SBF2: variants seen among roughly 807,000 people sequenced by gnomAD.
The protein encoded by SBF2 is SET binding factor 2.
Under a neutral mutation model 225.2 loss-of-function variants are expected in SBF2, and 112 were observed. The ratio of observed to expected loss-of-function variants is 0.50; its 90% CI spans 0.43 to 0.58. The LOEUF is 0.58. Ranked by LOEUF, SBF2 falls within the 20% of genes least tolerant of loss-of-function variation. The pLI, the probability that SBF2 is intolerant of heterozygous loss-of-function variation, is 0.00. For missense variants in SBF2, 1,996 were observed against 2,206.2 expected (o/e 0.90, Z 1.91); for synonymous variants, 763 against 773.3 (o/e 0.99, Z 0.22).
chr11:10,002,496 T>C (rs2134513674), intron 7 of SBF2, 61 bp downstream of exon 7: 1 of 1,349,972 alleles, frequency 7.4e-7, no homozygotes, highest in South Asian at 1.2e-5. Flanking sequence ...ACATTATGAC[T>C]TATCAACGAT....
intron 1 of SBF2, among the ~76,000 whole-genome samples, chr11:10,266,339 G>A (rs1006680354): frequency 6.6e-6 from 1 of 152,076 alleles, no homozygotes; most frequent in South Asian, 2.1e-4. Flanking sequence ...AAGACCTCTC[G>A]GCCAAGGACA....
intron 2 of SBF2, among the ~76,000 whole-genome samples, chr11:10,180,185 T>C (rs1489973390): frequency 1.3e-5 from 2 of 152,160 alleles, no homozygotes; most frequent in African/African-American, 4.8e-5. Flanking sequence ...TTTTGTACCT[T>C]CAGATGATGT....
intron 9 of SBF2, among the ~76,000 whole-genome samples, chr11:9,995,574 C>T (rs1947654937): frequency 6.6e-6 from 1 of 152,020 alleles, no homozygotes; most frequent in African/African-American, 2.4e-5. Context: ...TCAATGCTCC[C>T]AATCATCCAT....
intron 1 of SBF2, among the ~76,000 whole-genome samples, chr11:10,255,636 A>C (rs554471270): frequency 6.6e-6 from 1 of 152,292 alleles, no homozygotes; most frequent in East Asian, 1.9e-4. Flanking sequence ...ACTTAGATTG[A>C]CCATAATAGT....
intron 2 of SBF2, among the ~76,000 whole-genome samples, chr11:10,118,488 C>T (rs1364638453): frequency 6.6e-6 from 1 of 150,794 alleles, no homozygotes; most frequent in Non-Finnish European, 1.5e-5. Flanking sequence ...TTAATTCTGG[C>T]TTAGTATCAA....
At chr11:10,210,996 A>G (rs1269916420) in intron 1 of SBF2, among the ~76,000 whole-genome samples, 1 of 114,172 alleles carries the variant, frequency 8.8e-6, no homozygotes, top group African/African-American at 3.4e-5. Context: ...CTGGGCGACA[A>G]GAGCAAGACT....
intron 16 of SBF2, among the ~76,000 whole-genome samples, chr11:9,935,451 A>AG (rs1864824773): frequency 6.6e-6 from 1 of 152,202 alleles, no homozygotes; most frequent in Admixed American, 6.5e-5. Flanking sequence ...TTTGAAAAAA[A>AG]CTACTTTAAA....
chr11:10,236,213 A>G (rs577675855), intron 1 of SBF2, among the ~76,000 whole-genome samples: 1 of 152,338 alleles, frequency 6.6e-6, no homozygotes, highest in South Asian at 2.1e-4. Flanking sequence ...TCAAATTGGG[A>G]GGCCCAAGCA....
intron 2 of SBF2, among the ~76,000 whole-genome samples, chr11:10,184,371 T>C (rs1956851923): frequency 6.6e-6 from 1 of 152,228 alleles, no homozygotes; most frequent in East Asian, 1.9e-4. Flanking sequence ...AGATAGTTTT[T>C]GGCTACTTGC....
At chr11:10,119,082 AAC>A (rs200811807) in intron 2 of SBF2, among the ~76,000 whole-genome samples, 2,082 of 152,228 alleles carry the variant, frequency 0.014, 30 homozygotes, top group Non-Finnish European at 0.021. Context: ...GTTTGAAAAA[AAC>A]AGTTTTATAG....
chr11:9,847,081 C>T lies in SBF2; in HGVS notation c.2809G>A (p.Gly937Ser), dbSNP rs757496509. 1.2e-6 allele frequency: 2 copies of T among 1,613,634 alleles called. No individual in the cohort carries two copies. The highest frequency in any genetic ancestry group is 1.7e-6 in the Non-Finnish European group (2 of 1,179,660). The stretch of plus-strand genomic sequence containing the variant: ...AAGCTCCGCACAACTGTCTGCTCAC[C>T]CACTGTAAATAGACAGGACACAGCT... ...FRGTPHDQLV[G>S]EQTVVRSFPI... Residue 937 changes from glycine to serine, a missense_variant and splice_region_variant, in exon 23 of 40, where the codon GGT becomes AGT. Gly to Ser is a moderately conservative substitution (Grantham distance 56). Coordinates refer to ENST00000256190, the MANE Select transcript of SBF2 (RefSeq NM_030962.4).
At chr11:10,229,021 A>T (rs1466461592) in intron 1 of SBF2, among the ~76,000 whole-genome samples, 2 of 152,020 alleles carry the variant, frequency 1.3e-5, no homozygotes, top group Non-Finnish European at 2.9e-5. Context: ...CTATTCAGAG[A>T]TTCAACTTCT....
At chr11:9,948,331 G>A (rs1452800739) in intron 16 of SBF2, among the ~76,000 whole-genome samples, 1 of 151,976 alleles carries the variant, frequency 6.6e-6, no homozygotes, top group African/African-American at 2.4e-5. Context: ...AAGTTATGGA[G>A]ATGTATGGTG....
intron 19 of SBF2, among the ~76,000 whole-genome samples, chr11:9,856,177 T>C (rs1857299943): frequency 6.6e-6 from 1 of 152,152 alleles, no homozygotes; most frequent in African/African-American, 2.4e-5. Context: ...TTTCTGTAAA[T>C]TGCTTTGGCA....
chr11:10,028,647 C>A (rs1949136104), intron 5 of SBF2, 90 bp from the exon 6 acceptor site: 25 of 833,028 alleles, frequency 3.0e-5, no homozygotes, highest in East Asian at 5.0e-5. Flanking sequence ...ATTTTTAGAG[C>A]AAACGACCAT....
chr11:10,205,953 C>T, intron 1 of SBF2, among the ~76,000 whole-genome samples: 1 of 151,932 alleles, frequency 6.6e-6, no homozygotes, highest in Non-Finnish European at 1.5e-5. Context: ...AATCCAGAAA[C>T]ACTGGGGTAG....
intron 3 of SBF2, 142 bp downstream of exon 3, chr11:10,042,702 C>A (rs1949697530): frequency 2.7e-6 from 2 of 749,528 alleles, no homozygotes; most frequent in Admixed American, 2.4e-5. Context: ...TCCTCTCCAA[C>A]CTTAAACATA....
intron 6 of SBF2, among the ~76,000 whole-genome samples, chr11:10,022,008 G>GTAAAA (rs1948876789): frequency 6.6e-6 from 1 of 152,098 alleles, no homozygotes; most frequent in Admixed American, 6.6e-5. Context: ...AAATACTAGA[G>GTAAAA]TAAAATAAAA....
chr11:10,002,831 T>C (rs999271107), intron 6 of SBF2, 142 bp from the exon 7 acceptor site: 12 of 771,242 alleles, frequency 1.6e-5, no homozygotes, highest in Non-Finnish European at 2.6e-5. Context: ...GTAAATTCCA[T>C]ATAATCTATG....
Sources: allele counts gnomAD v4.1 joint callset (sites outside exome capture counted in the v4.1 genomes callset), GRCh38; gene constraint gnomAD v4.1.1; transcripts MANE v1.5; gene names NCBI Gene and HGNC (gene_info 2026-07-23, HGNC 2026-07-21).